STK3: variants seen among roughly 807,000 people sequenced by gnomAD.
The protein encoded by STK3 is serine/threonine-protein kinase 3.
STK3 carries 41 observed loss-of-function variants against 58.0 expected under a neutral mutation model. The ratio of observed to expected loss-of-function variants is 0.71; its 90% confidence interval spans 0.55 to 0.92. The LOEUF is 0.92. STK3 is among the 40% of genes least tolerant of loss of function. STK3 has a pLI of 0.00. For missense variants in STK3, 479 were observed against 602.7 expected, an observed-to-expected ratio of 0.79 and a Z score of 2.15; for synonymous variants, 170 against 191.0, an observed-to-expected ratio of 0.89 and a Z score of 0.91.
chr8:98,765,203 G>A (rs928406915), intron 3 of STK3, among the ~76,000 whole-genome samples: 4 of 152,136 alleles, frequency 2.6e-5, no homozygotes, highest in Non-Finnish European at 4.4e-5. Context: ...CCTGGTGGCC[G>A]AGCACTATGC....
At chr8:98,799,051 A>G (rs1432655187) in intron 1 of STK3, among the ~76,000 whole-genome samples, 1 of 152,176 alleles carries the variant, frequency 6.6e-6, no homozygotes. Flanking sequence ...CCATGAGTAA[A>G]TAAATTTCTC....
At chr8:98,716,837 G>A (rs1353809091) in intron 4 of STK3, among the ~76,000 whole-genome samples, 2 of 151,958 alleles carry the variant, frequency 1.3e-5, no homozygotes, top group Admixed American at 6.6e-5. Flanking sequence ...TAGATGGGAG[G>A]AACAGAGTAG....
intron 6 of STK3, among the ~76,000 whole-genome samples, chr8:98,676,685 A>G (rs78804742): frequency 2.0e-5 from 3 of 152,188 alleles, no homozygotes; most frequent in Admixed American, 6.5e-5. Flanking sequence ...GTAAAAAAAA[A>G]TAAGTTCTGT....
intron 10 of STK3, among the ~76,000 whole-genome samples, chr8:98,478,619 A>G (rs748467597): frequency 6.6e-6 from 1 of 152,220 alleles, no homozygotes; most frequent in East Asian, 1.9e-4. Context: ...TTTTCTGCCT[A>G]GCCATTTATA....
At chr8:98,597,367 A>C in intron 6 of STK3, 1 of 985,098 alleles carries the variant, frequency 1.0e-6, no homozygotes, top group Non-Finnish European at 1.2e-6. Context: ...CTTTCAAAAA[A>C]CGTAAATTCT....
intron 6 of STK3, among the ~76,000 whole-genome samples, chr8:98,642,885 T>C (rs1820129150): frequency 6.6e-6 from 1 of 152,208 alleles, no homozygotes; most frequent in African/African-American, 2.4e-5. Flanking sequence ...ACAGTGTTCT[T>C]ATAAATCTTC....
chr8:98,621,655 TTTC>T, intron 6 of STK3, among the ~76,000 whole-genome samples: 1 of 152,258 alleles, frequency 6.6e-6, no homozygotes, highest in Non-Finnish European at 1.5e-5. Context: ...TTATGTGACT[TTTC>T]TTCTTTAGTC....
intron 1 of STK3, among the ~76,000 whole-genome samples, chr8:98,936,022 T>G (rs1020847235): frequency 2.0e-5 from 3 of 152,108 alleles, no homozygotes; most frequent in African/African-American, 7.2e-5. Context: ...GTTCATGCCA[T>G]TCTCCCACTT....
intron 4 of STK3, among the ~76,000 whole-genome samples, chr8:98,722,574 GAC>G (rs1190129670): frequency 6.6e-6 from 1 of 152,112 alleles, no homozygotes; most frequent in African/African-American, 2.4e-5. Flanking sequence ...TAAAGAAGTT[GAC>G]AGTCATTTTC....
downstream of STK3, chr8:98,879,444 A>G (rs1837710957): frequency 6.6e-6 from 1 of 152,222 alleles, no homozygotes; most frequent in Admixed American, 6.5e-5. Context: ...AGACAGGACT[A>G]GGATATCCAT....
intron 6 of STK3, among the ~76,000 whole-genome samples, chr8:98,689,617 C>A (rs1317397567): frequency 6.6e-6 from 1 of 151,670 alleles, no homozygotes; most frequent in African/African-American, 2.4e-5. Context: ...CCCATCTCTC[C>A]AAAAAAAATT....
rs542119953 is a variant in STK3, at chr8:98,507,062, T to C, written c.1317+19680A>G. Among the ~76,000 whole-genome samples, 415 of 152,340 alleles carry C rather than the reference T, an allele frequency of 2.7e-3. 1 individual carries two copies. The highest frequency in any genetic ancestry group is 4.6e-3 in the Non-Finnish European group (313 of 68,024). On this transcript the variant is annotated intron_variant, in intron 10 of 10. Coordinates refer to ENST00000419617, the MANE Select transcript of STK3 (RefSeq NM_006281.4). ...TTCTCTACATATACTCATTTCTTTG[T>C]TACAGCAGCCATGGGAAATGAATAC...
In STK3 at chr8:98,664,337, G is replaced by A. The variant is rs894237839; in HGVS notation, c.684+42130C>T. ...AATATGAGTGATCAGATGCTACCCC[G>A]GTCTGGGTCTTCATTTCTTCATCTG... On this transcript the variant is annotated intron_variant, in intron 6 of 10. Coordinates refer to ENST00000419617, the MANE Select transcript of STK3 (RefSeq NM_006281.4). 5.9e-5 allele frequency among the ~76,000 whole-genome samples: 9 copies of A among 152,224 alleles called. No individual in the cohort carries two copies. In the South Asian group the frequency reaches 6.2e-4, roughly 11 times the overall value.
At chr8:98,369,624 T>C (rs892360523), downstream of STK3, among the ~76,000 whole-genome samples, 1 of 152,114 alleles carries the variant, frequency 6.6e-6, no homozygotes, top group Admixed American at 6.5e-5. Flanking sequence ...GGGAGCTCCC[T>C]TGCAGGGAGG....
At chr8:98,836,086 A>G (rs529834438) in intron 3 of STK3, among the ~76,000 whole-genome samples, 7 of 152,272 alleles carry the variant, frequency 4.6e-5, no homozygotes, top group African/African-American at 1.7e-4. Context: ...CTGTAATTCC[A>G]GCTACTTGGG....
At chr8:98,872,934 G>T (rs1198058330) in intron 3 of STK3, among the ~76,000 whole-genome samples, 4 of 152,056 alleles carry the variant, frequency 2.6e-5, no homozygotes, top group African/African-American at 9.7e-5. Context: ...TGATTTTAAG[G>T]TGTCGATTTC....
At chr8:98,447,373 TC>T (rs1025438765) in intron 1 of STK3, among the ~76,000 whole-genome samples, 16 of 152,174 alleles carry the variant, frequency 1.1e-4, no homozygotes, top group African/African-American at 3.9e-4. Flanking sequence ...AAAGATATAA[TC>T]TTTCTTATAT....
Position 98,774,789 on chromosome 8 carries a change from C to T in STK3, c.57G>A (p.Leu19=). 2 of 1,584,228 alleles carry T rather than the reference C, an allele frequency of 1.3e-6. No individual in the cohort carries two copies. Among genetic ancestry groups the T allele is most frequent in the East Asian group, 2.3e-5 (1 of 43,858 alleles). The part of the protein sequence containing the change: ...SKLKKLSEDS[L]TKQPEEVFDV... ...CAAAAACTTCTTCAGGCTGCTTAGTCAAACTGTCTTCACTCAGCTTTTTTA... is the reference window on the plus strand; with the variant it reads ...CAAAAACTTCTTCAGGCTGCTTAGTTAAACTGTCTTCACTCAGCTTTTTTA... Residue 19 remains leucine (L), a synonymous_variant, in exon 2 of 11, where the codon TTG becomes TTA. Coordinates refer to ENST00000419617, the MANE Select transcript of STK3 (RefSeq NM_006281.4).
chr8:98,384,528 G>A (rs1258047099), intron 1 of STK3, among the ~76,000 whole-genome samples: 1 of 152,132 alleles, frequency 6.6e-6, no homozygotes. Flanking sequence ...ACAAAGACTT[G>A]GCCTCTGTGA....
Sources: allele counts gnomAD v4.1 joint callset (sites outside exome capture counted in the v4.1 genomes callset), GRCh38; gene constraint gnomAD v4.1.1; transcripts MANE v1.5; gene names NCBI Gene and HGNC (gene_info 2026-07-23, HGNC 2026-07-21).